PKHD1: variants seen among roughly 807,000 people sequenced by gnomAD.
PKHD1 encodes the protein fibrocystin.
A neutral mutation model predicts 412.0 loss-of-function variants in PKHD1; 291 were observed. The observed-to-expected ratio is 0.71, with a 90% CI of 0.64 to 0.78. The LOEUF is 0.78. Ranked by LOEUF, PKHD1 falls within the 30% of genes least tolerant of loss-of-function variation. PKHD1 has a pLI of 0.00. For missense variants in PKHD1, 4,825 were observed against 4,950.7 expected (o/e 0.97, Z 0.76); for synonymous variants, 1,777 against 1,821.5 (o/e 0.98, Z 0.62).
chr6:51,707,293 A>T (rs544197933), intron 60 of PKHD1, among the ~76,000 whole-genome samples: 5 of 152,206 alleles, frequency 3.3e-5, no homozygotes, highest in African/African-American at 1.2e-4. Context: ...TGATGTTCCT[A>T]TTCCTGCAAA....
chr6:51,981,369 C>G (rs1231257732), intron 35 of PKHD1, among the ~76,000 whole-genome samples: 1 of 120,534 alleles, frequency 8.3e-6, no homozygotes, highest in Non-Finnish European at 1.8e-5. Context: ...CTCTCCCTCT[C>G]CCTCCACGGT....
intron 55 of PKHD1, among the ~76,000 whole-genome samples, chr6:51,755,401 GA>G (rs1382788346): frequency 6.6e-6 from 1 of 152,138 alleles, no homozygotes; most frequent in Non-Finnish European, 1.5e-5. Context: ...CCTTCATGAT[GA>G]AACAGATACA....
In PKHD1 at chr6:52,024,805, T is replaced by A. The variant is rs747308045; in HGVS notation, c.5005A>T (p.Ile1669Phe). The A allele has an allele frequency of 6.2e-7, 1 of 1,614,218 alleles. No individual in the cohort carries two copies. Among genetic ancestry groups the A allele is most frequent in the Non-Finnish European group, 8.5e-7 (1 of 1,180,032 alleles). The change falls in exon 32 of 67, where the codon ATC becomes TTC. Residue 1669 changes from isoleucine to phenylalanine, a missense_variant. Ile to Phe is a conservative substitution (Grantham distance 21). Transcript: ENST00000371117. ...ELISISQSDD[I>F]LTFAVAQISG... is the part of the protein sequence containing the mutation. ...ATCTGGGCCACTGCAAAGGTTAAGA[T>A]GTCATCGCTCTGAGAAATAGAGATC... is the stretch of plus-strand genomic sequence containing the variant.
chr6:51,863,574 G>T (rs548179800), intron 48 of PKHD1, among the ~76,000 whole-genome samples: 1 of 152,290 alleles, frequency 6.6e-6, no homozygotes, highest in South Asian at 2.1e-4. Flanking sequence ...ACTGATGATT[G>T]AATGGGGGTA....
At chr6:51,826,329 C>T (rs1419841126) in intron 52 of PKHD1, among the ~76,000 whole-genome samples, 1 of 152,114 alleles carries the variant, frequency 6.6e-6, no homozygotes, top group Non-Finnish European at 1.5e-5. Context: ...CAAATAAGGA[C>T]AGTTCAAAGT....
rs921629032 is a variant in PKHD1, at chr6:51,641,257, T to C, written c.11399-2301A>G. ...TCAAACTAGTCCTCACACATTCCCA[T>C]TGGATCTCTTAAAAAAGGTAATAGT... On this transcript the variant is annotated intron_variant, in intron 63 of 66. Transcript: ENST00000371117. 3.3e-5 allele frequency among the ~76,000 whole-genome samples: 5 copies of C among 152,172 alleles called. No homozygotes were observed. The East Asian group carries it at 9.6e-4, about 29-fold the overall frequency.
chr6:51,772,092 T>C (rs1790238378), intron 55 of PKHD1, among the ~76,000 whole-genome samples: 1 of 152,158 alleles, frequency 6.6e-6, no homozygotes, highest in African/African-American at 2.4e-5. Context: ...GTAGTTATTC[T>C]GAGTTCTTAC....
At chr6:51,939,810 C>T (rs1788181300) in intron 36 of PKHD1, among the ~76,000 whole-genome samples, 1 of 151,334 alleles carries the variant, frequency 6.6e-6, no homozygotes, top group Admixed American at 6.6e-5. Flanking sequence ...TGACTTCTCC[C>T]CTCCTCCCCA....
At chr6:51,869,660 T>G (rs559266227) in intron 47 of PKHD1, among the ~76,000 whole-genome samples, 125 of 152,234 alleles carry the variant, frequency 8.2e-4, no homozygotes, top group Non-Finnish European at 1.5e-3. Flanking sequence ...GTCAAGATAT[T>G]AAAGAATTGA....
chr6:51,948,830 G>C (rs1789870150), intron 36 of PKHD1, among the ~76,000 whole-genome samples: 2 of 152,162 alleles, frequency 1.3e-5, no homozygotes, highest in South Asian at 4.1e-4. Context: ...CAAAGAATTA[G>C]GTGAGTTAGA....
rs528458304 is a variant in PKHD1, at chr6:51,744,660, T to C, written c.9999-118A>G. ...TTCAACAGATTTTTATTATTGACAA[T>C]GTGTTACATAGATATAAAATAAAAC... On this transcript the variant is annotated intron_variant, in intron 59 of 66. Coordinates refer to ENST00000371117, the MANE Select transcript of PKHD1 (RefSeq NM_138694.4). 80 of 766,896 alleles carry C rather than the reference T, an allele frequency of 1.0e-4. No homozygotes were observed. The Middle Eastern group carries it at 1.4e-3, about 13-fold the overall frequency. The allele number at this position is 766,896 out of a possible 1,614,324, so 47.5% of individuals were successfully genotyped here.
intron 50 of PKHD1, among the ~76,000 whole-genome samples, chr6:51,843,801 C>A (rs1376748839): frequency 6.6e-6 from 1 of 152,160 alleles, no homozygotes; most frequent in Non-Finnish European, 1.5e-5. Flanking sequence ...ATAAGTAGCT[C>A]CTTGGGCAAA....
intron 29 of PKHD1, among the ~76,000 whole-genome samples, chr6:52,031,261 T>A (rs1802995068): frequency 6.6e-6 from 1 of 152,214 alleles, no homozygotes; most frequent in South Asian, 2.1e-4. Flanking sequence ...CCTAAGGCTG[T>A]CTCTGTACCT....
At chr6:51,699,920 AGTGT>A (rs148337538) in intron 60 of PKHD1, among the ~76,000 whole-genome samples, 38 of 137,902 alleles carry the variant, frequency 2.8e-4, no homozygotes, top group African/African-American at 8.4e-4. Flanking sequence ...ATATATATGG[AGTGT>A]GTGTGTGTGT....
Position 52,025,829 on chromosome 6 carries a change from T to TTGGA in PKHD1, c.3980_3981insTCCA (p.Val1328ProfsTer11). 1 of 1,614,176 alleles carries TTGGA rather than the reference T, an allele frequency of 6.2e-7. No homozygotes were observed. Among genetic ancestry groups the TTGGA allele is most frequent in the Non-Finnish European group, 8.5e-7 (1 of 1,180,028 alleles). ...AGTTCAGGTTCCCCAGAAGGATGACTGAGTTGGAGAGGTTACTTCCTCCCA... is the reference window on the plus strand; with the variant it reads ...AGTTCAGGTTCCCCAGAAGGATGACTTGGAGAGTTGGAGAGGTTACTTCCTCCCA... On this transcript the variant is annotated frameshift_variant, in exon 32 of 67. Coordinates refer to ENST00000371117, the MANE Select transcript of PKHD1 (RefSeq NM_138694.4). LOFTEE classifies it high-confidence loss of function.
At chr6:51,945,864 C>T (rs1296295828) in intron 36 of PKHD1, among the ~76,000 whole-genome samples, 1 of 152,218 alleles carries the variant, frequency 6.6e-6, no homozygotes, top group Non-Finnish European at 1.5e-5. Flanking sequence ...CAGATCCTAT[C>T]CATTTGCACA....
At chr6:52,073,691 G>C in intron 6 of PKHD1, 150 bp from the exon 7 acceptor site, 1 of 659,064 alleles carries the variant, frequency 1.5e-6, no homozygotes, top group Non-Finnish European at 2.7e-6. Flanking sequence ...TTGTACAACA[G>C]TAAGGTCAAG....
chr6:51,960,326 A>G (rs1791818845), intron 35 of PKHD1, among the ~76,000 whole-genome samples: 1 of 152,146 alleles, frequency 6.6e-6, no homozygotes, highest in Non-Finnish European at 1.5e-5. Context: ...GAATTCTCCA[A>G]TAACATGCTG....
At chr6:51,743,473 C>T (rs1448156769) in intron 60 of PKHD1, among the ~76,000 whole-genome samples, 1 of 152,126 alleles carries the variant, frequency 6.6e-6, no homozygotes, top group Non-Finnish European at 1.5e-5. Context: ...TCTGAGATGT[C>T]TACTATCTTT....
Sources: allele counts gnomAD v4.1 joint callset (sites outside exome capture counted in the v4.1 genomes callset), GRCh38; gene constraint gnomAD v4.1.1; transcripts MANE v1.5; gene names NCBI Gene and HGNC (gene_info 2026-07-23, HGNC 2026-07-21).